Variants in ABCA1 observed in about 807,000 individuals in gnomAD.
ABCA1 encodes the protein ATP binding cassette subfamily A member 1, also known as phospholipid-transporting ATPase ABCA1.
Under a neutral mutation model 262.5 loss-of-function variants are expected in ABCA1, and 133 were observed. That is an observed-to-expected ratio of 0.51 (90% confidence interval 0.44 to 0.59). ABCA1 has a LOEUF of 0.59. ABCA1 is among the 20% of genes least tolerant of loss of function. The pLI is 0.00. For synonymous variants in ABCA1, 1,022 were observed against 1,043.5 expected, an observed-to-expected ratio of 0.98 and a Z score of 0.40; for missense variants, 2,452 against 2,777.5, an observed-to-expected ratio of 0.88 and a Z score of 2.63.
chr9:104,900,999 A>G (rs1347072377), intron 2 of ABCA1, among the ~76,000 whole-genome samples: 1 of 152,184 alleles, frequency 6.6e-6, no homozygotes, highest in Admixed American at 6.5e-5. Flanking sequence ...GCCTTTGGCT[A>G]AACCTGCCTA....
chr9:104,837,152 T>C (rs1833892335), intron 10 of ABCA1, 56 bp from the exon 11 acceptor site: 1 of 1,413,622 alleles, frequency 7.1e-7, no homozygotes, highest in Non-Finnish European at 9.7e-7. Flanking sequence ...GCACAGACAA[T>C]GAGCGTTTGG....
At position 104,809,456 on chromosome 9, in the gene ABCA1, T is replaced by G. The variant is rs914435535; in HGVS notation, c.4274+10A>C. On this transcript the variant is annotated intron_variant, in intron 30 of 49. Transcript: ENST00000374736. ...ACAAGAAGCCTGCTTATGGCTAAAG[T>G]GGCACTCACGGGATTGGGTTTCCTT... 1 of 1,613,886 alleles carries G rather than the reference T, an allele frequency of 6.2e-7. No individual in the cohort carries two copies. The highest frequency in any genetic ancestry group is 1.7e-5 in the Admixed American group (1 of 60,026).
At chr9:104,818,569 T>G in intron 23 of ABCA1, 94 bp downstream of exon 23, 1 of 1,237,802 alleles carries the variant, frequency 8.1e-7, no homozygotes. Flanking sequence ...GGTTTCAACA[T>G]GGCAAAAGGG....
chr9:104,783,366 T>G lies in ABCA1; in HGVS notation c.*949A>C, dbSNP rs1828658002. On this transcript the variant is annotated 3_prime_UTR_variant, in exon 50 of 50. Coordinates refer to ENST00000374736, the MANE Select transcript of ABCA1 (RefSeq NM_005502.4). Reference sequence around the variant, plus strand: ...CCAGAAATAATACACTTGTGTCAGATAAACATCTTGAGATGCAGTGTACCA... The same window carrying G: ...CCAGAAATAATACACTTGTGTCAGAGAAACATCTTGAGATGCAGTGTACCA... 6.6e-6 allele frequency: 1 copy of G among 152,238 alleles called. No individual in the cohort carries two copies. The highest frequency in any genetic ancestry group is 1.5e-5 in the Non-Finnish European group (1 of 68,036). 9.4% of individuals were successfully genotyped at this position (152,238 alleles called of 1,614,324 possible).
intron 19 of ABCA1, among the ~76,000 whole-genome samples, chr9:104,821,925 G>A (rs1474293294): frequency 1.3e-5 from 2 of 152,122 alleles, no homozygotes; most frequent in Non-Finnish European, 2.9e-5. Context: ...TTAATTCTAT[G>A]TTTTAAAAAA....
At position 104,821,396 on chromosome 9, in the gene ABCA1, T is replaced by C; in HGVS notation, c.2939A>G (p.Gln980Arg). ...TIRQNLGVCPQHNVLFDMLTV... is the reference protein window; with the variant it reads ...TIRQNLGVCPRHNVLFDMLTV... ...TCACATGTCAAACAGCACGTTATGC[T>C]GGGGACAGACCCCCAGGTTCTGCCG... The change falls in exon 20 of 50, where the codon CAG becomes CGG. Residue 980 changes from glutamine (Q) to arginine (R), a missense_variant. By Grantham distance (43) the Gln-to-Arg change is conservative (BLOSUM62 1). Transcript: ENST00000374736. 6.2e-7 allele frequency: 1 copy of C among 1,614,168 alleles called. No individual in the cohort carries two copies. Among genetic ancestry groups the C allele is most frequent in the Non-Finnish European group, 8.5e-7 (1 of 1,180,032 alleles).
At chr9:104,902,652 T>C (rs952215046) in intron 2 of ABCA1, among the ~76,000 whole-genome samples, 6 of 152,186 alleles carry the variant, frequency 3.9e-5, no homozygotes, top group African/African-American at 1.2e-4. Flanking sequence ...AACACTATAA[T>C]AAAAAAGGAA....
At chr9:104,868,167 C>A (rs1320699401) in intron 5 of ABCA1, among the ~76,000 whole-genome samples, 1 of 152,128 alleles carries the variant, frequency 6.6e-6, no homozygotes, top group Non-Finnish European at 1.5e-5. Flanking sequence ...CGAGACCAGC[C>A]TGACCAACAT....
chr9:104,883,393 T>C lies in ABCA1; in HGVS notation c.303-236A>G, dbSNP rs62568181. 0.086 allele frequency among the ~76,000 whole-genome samples: 13,043 copies of C among 152,060 alleles called. 627 individuals carry two copies. The highest frequency in any genetic ancestry group is 0.18 in the Middle Eastern group (53 of 294). On this transcript the variant is annotated intron_variant, in intron 4 of 49. Coordinates refer to ENST00000374736, the MANE Select transcript of ABCA1 (RefSeq NM_005502.4). Reference sequence around the variant, plus strand: ...TCCATTGGTCTACACACCCAAATCTTACCACCCTTCAAGGCCCGGCTCATC... The same window carrying C: ...TCCATTGGTCTACACACCCAAATCTCACCACCCTTCAAGGCCCGGCTCATC...
intron 16 of ABCA1, among the ~76,000 whole-genome samples, chr9:104,826,122 T>C (rs1050787109): frequency 6.6e-5 from 10 of 152,196 alleles, no homozygotes; most frequent in African/African-American, 2.4e-4. Context: ...GAAATGCATA[T>C]ACAGTGAAGC....
At chr9:104,802,649 A>T (rs1830438184) in intron 33 of ABCA1, among the ~76,000 whole-genome samples, 1 of 152,216 alleles carries the variant, frequency 6.6e-6, no homozygotes, top group South Asian at 2.1e-4. Flanking sequence ...AAAGGCAGAG[A>T]GAAAAGACGG....
In ABCA1 at chr9:104,831,840, C is replaced by T. The variant is rs367851481; in HGVS notation, c.1510-13G>A. ...TCAGGTTGACACACTGATAGAAGAA[C>T]AGCCTTCATGAGAACGTTGGCAGCC... On this transcript the variant is annotated splice_polypyrimidine_tract_variant and intron_variant, in intron 12 of 49. Transcript: ENST00000374736. 4.3e-6 allele frequency: 7 copies of T among 1,613,846 alleles called. No individual in the cohort carries two copies. The highest frequency in any genetic ancestry group is 5.9e-6 in the Non-Finnish European group (7 of 1,179,850).
intron 1 of ABCA1, among the ~76,000 whole-genome samples, chr9:104,905,542 G>A (rs1841060600): frequency 6.6e-6 from 1 of 152,162 alleles, no homozygotes; most frequent in Non-Finnish European, 1.5e-5. Flanking sequence ...ACTTCTAGAA[G>A]GACACAGGCC....
Position 104,812,686 on chromosome 9 carries a change from C to T in ABCA1, c.3938G>A (p.Gly1313Asp). 2 of 1,614,216 alleles carry T rather than the reference C, an allele frequency of 1.2e-6. No homozygotes were observed. The highest frequency in any genetic ancestry group is 1.7e-6 in the Non-Finnish European group (2 of 1,180,040). ...GCCTTTCACCTGGTAGGACCCTTTG[C>T]CATCCATCCCACTGAGCAAGTCTGT... The part of the protein sequence containing the change: ...RETDLLSGMD[G>D]KGSYQVKGWK... Residue 1313 changes from glycine to aspartate, a missense_variant, in exon 28 of 50, where the codon GGC (glycine) becomes GAC (aspartate). By Grantham distance (94) the Gly-to-Asp change is moderately conservative. Transcript: ENST00000374736.
chr9:104,785,642 G>A lies in ABCA1; in HGVS notation c.6402-3C>T. ...CTATTGTATAACCATCTCCAAACCT[G>A]AAAGCAGGAAAAAATACCCAAATGG... On this transcript the variant is annotated splice_region_variant and splice_polypyrimidine_tract_variant and intron_variant, in intron 48 of 49. Transcript: ENST00000374736. 1 of 1,613,818 alleles carries A rather than the reference G, an allele frequency of 6.2e-7. No individual in the cohort carries two copies. The highest frequency in any genetic ancestry group is 8.5e-7 in the Non-Finnish European group (1 of 1,179,950).
chr9:104,858,681 G>A lies in ABCA1; in HGVS notation c.561C>T (p.Tyr187=), dbSNP rs754015678. The A allele has an allele frequency of 3.7e-6, 6 of 1,614,146 alleles. No individual in the cohort carries two copies. The highest frequency in any genetic ancestry group is 5.1e-6 in the Non-Finnish European group (6 of 1,180,026). Residue 187 remains tyrosine, a synonymous_variant, in exon 7 of 50, where the codon TAC becomes TAT. Coordinates refer to ENST00000374736, the MANE Select transcript of ABCA1 (RefSeq NM_005502.4). ...VILHKVFLQG[Y]QLHLTSLCNG... The stretch of plus-strand genomic sequence containing the variant: ...TGCACAGACTTGTCAAATGTAACTG[G>A]TAGCCTTGCAAAAATACCTGGAAGC...
chr9:104,787,931 C>T lies in ABCA1; in HGVS notation c.6193G>A (p.Val2065Met), dbSNP rs766619359. 25 of 1,613,964 alleles carry T rather than the reference C, an allele frequency of 1.5e-5. No homozygotes were observed. The Admixed American group carries it at 2.2e-4, about 14-fold the overall frequency. Residue 2065 changes from valine (V) to methionine (M), a missense_variant, in exon 46 of 50, where the codon GTG becomes ATG. This residue lies in a region of ABCA1 where 752 missense variants were observed against 944.5 expected (regional missense o/e 0.80). Transcript: ENST00000374736. ...TAMALIGGPP[V>M]VFLDEPTTGM... is the part of the protein sequence containing the mutation. ...ACAGTTATACTCACCAGAAACACCA[C>T]AGGAGGCCCGCCGATCAAAGCCATG...
At chr9:104,825,964 C>A (rs1347810436) in intron 16 of ABCA1, 77 bp from the exon 17 acceptor site, 6 of 1,510,660 alleles carry the variant, frequency 4.0e-6, no homozygotes, top group African/African-American at 1.4e-5. Context: ...GTAAATTATA[C>A]CTGGAGAAAT....
intron 13 of ABCA1, 126 bp downstream of exon 13, chr9:104,831,496 T>A (rs1833319552): frequency 1.3e-6 from 1 of 791,388 alleles, no homozygotes; most frequent in Non-Finnish European, 2.0e-6. Flanking sequence ...GACACCAAGT[T>A]GAGTTTTTTT....
Sources: allele counts gnomAD v4.1 joint callset (sites outside exome capture counted in the v4.1 genomes callset), GRCh38; gene constraint gnomAD v4.1.1; regional missense constraint gnomAD v4.1.1; transcripts MANE v1.5; gene names NCBI Gene and HGNC (gene_info 2026-07-23, HGNC 2026-07-21).